The following SEMA5A variants were observed in gnomAD, a reference collection of about 807,000 sequenced individuals.
SEMA5A encodes semaphorin-5A.
A neutral mutation model predicts 135.5 loss-of-function variants in SEMA5A; 55 were observed. The ratio of observed to expected loss-of-function variants is 0.41; its 90% confidence interval spans 0.33 to 0.51. The LOEUF (loss-of-function observed/expected upper bound fraction) is 0.51. Among genes scored for constraint, SEMA5A ranks in the 20% least tolerant of loss-of-function variants. SEMA5A has a pLI of 0.37. For synonymous variants in SEMA5A, 580 were observed against 546.5 expected (o/e 1.06, Z -0.85); for missense variants, 1,290 against 1,419.9 (o/e 0.91, Z 1.47).
intron 12 of SEMA5A, among the ~76,000 whole-genome samples, chr5:9,151,698 C>T (rs1742644049): frequency 6.6e-6 from 1 of 152,056 alleles, no homozygotes; most frequent in Non-Finnish European, 1.5e-5. Flanking sequence ...GTTTTCTTTT[C>T]TCGAATGAAA....
intron 5 of SEMA5A, among the ~76,000 whole-genome samples, chr5:9,262,738 G>A (rs1381420811): frequency 1.0e-3 from 99 of 96,372 alleles, no homozygotes; most frequent in Non-Finnish European, 1.6e-3. Flanking sequence ...ACACTCTGGG[G>A]ACTGTGGTGG....
At chr5:9,473,543 T>C (rs1759558533) in intron 1 of SEMA5A, among the ~76,000 whole-genome samples, 1 of 151,390 alleles carries the variant, frequency 6.6e-6, no homozygotes, top group Non-Finnish European at 1.5e-5. Flanking sequence ...TACCCCAAAA[T>C]TCAGGCCAAA....
In SEMA5A at chr5:9,388,463, T is replaced by C. The variant is rs1330911734; in HGVS notation, c.-77-8440A>G. On this transcript the variant is annotated intron_variant, in intron 2 of 22. Coordinates refer to ENST00000382496, the MANE Select transcript of SEMA5A (RefSeq NM_003966.3). ...TGTCAGCTAAAGCAACAAAAGTCCT[T>C]TCTAAGAAAAAAAAAAAAAAGAAAA... is the stretch of plus-strand genomic sequence containing the variant. 8.8e-5 allele frequency among the ~76,000 whole-genome samples: 13 copies of C among 147,786 alleles called. No homozygotes were observed. The East Asian group carries it at 2.3e-3, about 27-fold the overall frequency.
At position 9,041,955 on chromosome 5, in the gene SEMA5A, A is replaced by ATACTT. The variant is rs1345496046; in HGVS notation, c.*937_*941dup. On this transcript the variant is annotated 3_prime_UTR_variant, in exon 23 of 23. Coordinates refer to ENST00000382496, the MANE Select transcript of SEMA5A (RefSeq NM_003966.3). Reference sequence around the variant, plus strand: ...TTTTAGTTATAATTTAGTATTTTCAATACTTTCACTAATTGACATCATAAA... The same window carrying ATACTT: ...TTTTAGTTATAATTTAGTATTTTCAATACTTTACTTTCACTAATTGACATCATAAA... The ATACTT allele has an allele frequency of 6.6e-6, 1 of 152,576 alleles. No individual in the cohort carries two copies. Among genetic ancestry groups the ATACTT allele is most frequent in the African/African-American group, 2.4e-5 (1 of 41,454 alleles). The allele number at this position is 152,576 out of a possible 1,614,324, so 9.5% of individuals were successfully genotyped here.
chr5:9,510,536 A>G (rs1015151978), intron 1 of SEMA5A, among the ~76,000 whole-genome samples: 2 of 152,154 alleles, frequency 1.3e-5, no homozygotes, highest in Non-Finnish European at 2.9e-5. Context: ...TTTACATTGT[A>G]CTTTTAGTTG....
At chr5:9,364,106 T>G (rs554758389) in intron 3 of SEMA5A, among the ~76,000 whole-genome samples, 3 of 152,232 alleles carry the variant, frequency 2.0e-5, no homozygotes, top group Admixed American at 6.5e-5. Flanking sequence ...CCACTCTTTC[T>G]TTCCTTGCTA....
rs543611905 is a variant in SEMA5A, at chr5:9,455,928, A to G, written c.-174-18076T>C. On this transcript the variant is annotated intron_variant, in intron 1 of 22. Coordinates refer to ENST00000382496, the MANE Select transcript of SEMA5A (RefSeq NM_003966.3). ...GAAGACCCTTCTTCTTCGGGGAAGCAGGAGTGAGTCAGCAGGGGACACATT... is the reference window on the plus strand; with the variant it reads ...GAAGACCCTTCTTCTTCGGGGAAGCGGGAGTGAGTCAGCAGGGGACACATT... Among the ~76,000 whole-genome samples, 6 of 152,348 alleles carry G rather than the reference A, an allele frequency of 3.9e-5. No individual in the cohort carries two copies. In the East Asian group the frequency reaches 1.2e-3, roughly 29 times the overall value.
intron 1 of SEMA5A, among the ~76,000 whole-genome samples, chr5:9,495,266 T>C (rs1561297730): frequency 6.6e-6 from 1 of 152,132 alleles, no homozygotes; most frequent in South Asian, 2.1e-4. Flanking sequence ...AGGCAGGCTG[T>C]GTCCACAATA....
intron 11 of SEMA5A, among the ~76,000 whole-genome samples, chr5:9,181,783 A>T (rs932770231): frequency 6.6e-6 from 1 of 152,140 alleles, no homozygotes; most frequent in Admixed American, 6.5e-5. Context: ...TGACAGGTGC[A>T]AAACTGTCTG....
chr5:9,284,650 G>T (rs549556094), intron 5 of SEMA5A, among the ~76,000 whole-genome samples: 55 of 152,030 alleles, frequency 3.6e-4, no homozygotes, highest in African/African-American at 5.1e-4. Context: ...CTTTTGGGGG[G>T]TAAAATTTTG....
intron 12 of SEMA5A, among the ~76,000 whole-genome samples, chr5:9,148,788 C>T (rs941675967): frequency 2.0e-5 from 3 of 151,596 alleles, no homozygotes; most frequent in Non-Finnish European, 4.4e-5. Context: ...GGTGTGATCT[C>T]GGCTCACTGC....
chr5:9,131,476 T>TG (rs1258677286), intron 13 of SEMA5A, among the ~76,000 whole-genome samples: 1 of 151,364 alleles, frequency 6.6e-6, no homozygotes, highest in East Asian at 1.9e-4. Flanking sequence ...GGTGTGGTGG[T>TG]GGGCACCTGT....
chr5:9,338,258 T>G (rs377188377), intron 3 of SEMA5A, among the ~76,000 whole-genome samples: 7 of 152,368 alleles, frequency 4.6e-5, no homozygotes, highest in African/African-American at 1.7e-4. Flanking sequence ...TCATTTGCCT[T>G]CTTTCAAATT....
chr5:9,208,930 G>A (rs1746196866), intron 8 of SEMA5A, among the ~76,000 whole-genome samples: 1 of 152,132 alleles, frequency 6.6e-6, no homozygotes, highest in Non-Finnish European at 1.5e-5. Context: ...TGAGCCCCTT[G>A]ACAGAAAAAA....
intron 13 of SEMA5A, among the ~76,000 whole-genome samples, chr5:9,135,897 T>C (rs1298461599): frequency 1.3e-5 from 2 of 152,138 alleles, no homozygotes; most frequent in Non-Finnish European, 2.9e-5. Flanking sequence ...CAAACACATA[T>C]ATCAGCAAAG....
intron 1 of SEMA5A, among the ~76,000 whole-genome samples, chr5:9,503,949 G>A (rs1188872582): frequency 6.6e-6 from 1 of 152,142 alleles, no homozygotes; most frequent in Non-Finnish European, 1.5e-5. Context: ...GGGCGCGGTG[G>A]CTCATGCCTG....
chr5:9,225,639 A>G (rs1184736686), intron 7 of SEMA5A, among the ~76,000 whole-genome samples: 6 of 152,070 alleles, frequency 3.9e-5, no homozygotes, highest in Admixed American at 3.3e-4. Context: ...AATAGCCCCA[A>G]AAAATGTGTT....
intron 3 of SEMA5A, among the ~76,000 whole-genome samples, chr5:9,362,266 G>A (rs1465660835): frequency 6.6e-6 from 1 of 152,114 alleles, no homozygotes; most frequent in Non-Finnish European, 1.5e-5. Context: ...TTCAACTTGG[G>A]TTCCTACTGA....
At chr5:9,377,283 C>G (rs1422293941) in intron 3 of SEMA5A, among the ~76,000 whole-genome samples, 1 of 152,066 alleles carries the variant, frequency 6.6e-6, no homozygotes, top group Non-Finnish European at 1.5e-5. Flanking sequence ...TGCTTTGCTT[C>G]TATTACAAAA....
Sources: allele counts gnomAD v4.1 joint callset (sites outside exome capture counted in the v4.1 genomes callset), GRCh38; gene constraint gnomAD v4.1.1; transcripts MANE v1.5; gene names NCBI Gene and HGNC (gene_info 2026-07-23, HGNC 2026-07-21).